The following KRI1 variants were observed in gnomAD, a reference collection of about 807,000 sequenced individuals.
KRI1 encodes the protein KRI1 homolog.
Under a neutral mutation model 97.0 loss-of-function variants are expected in KRI1, and 83 were observed. The observed-to-expected ratio is 0.86, with a 90% CI of 0.72 to 1.03. The LOEUF (loss-of-function observed/expected upper bound fraction) is 1.03. Among genes scored for constraint, KRI1 ranks in the 50% least tolerant of loss-of-function variants. KRI1 has a pLI of 0.00. For synonymous variants in KRI1, 371 were observed against 363.5 expected, an observed-to-expected ratio of 1.02 and a Z score of -0.23; for missense variants, 916 against 928.4, an observed-to-expected ratio of 0.99 and a Z score of 0.17.
Position 10,558,250 on chromosome 19 carries a change from A to G in KRI1, c.1195-11T>C. On this transcript the variant is annotated splice_polypyrimidine_tract_variant and intron_variant, in intron 12 of 18. Coordinates refer to ENST00000312962, the MANE Select transcript of KRI1 (RefSeq NM_023008.5). The stretch of plus-strand genomic sequence containing the variant: ...GTCCCCAAAGCACTTCTGCAGGGTC[A>G]GGGCTGGCGGTTACCAGAGCCCACT... 6.2e-7 allele frequency: 1 copy of G among 1,613,848 alleles called. No homozygotes were observed. Among genetic ancestry groups the G allele is most frequent in the South Asian group, 1.1e-5 (1 of 91,074 alleles).
At chr19:10,554,896 A>G (rs1204996800) in intron 18 of KRI1, among the ~76,000 whole-genome samples, 191 bp downstream of exon 18, 2 of 152,212 alleles carry the variant, frequency 1.3e-5, no homozygotes, top group Admixed American at 1.3e-4. Flanking sequence ...CTTATGAGAA[A>G]GAGGCCCAGA....
Position 10,559,481 on chromosome 19 carries a change from T to C in KRI1, c.1072A>G (p.Arg358Gly), listed in dbSNP as rs1459619270. 2.5e-6 allele frequency: 4 copies of C among 1,614,030 alleles called. No individual in the cohort carries two copies. Among genetic ancestry groups the C allele is most frequent in the Non-Finnish European group, 3.4e-6 (4 of 1,180,014 alleles). ...EELKQLKNLK[R>G]KEILAKLEKL... ...TCCAGCTTGGCCAGAATCTCCTTCC[T>C]CTTCAGGTTCTTCAGCTGCTTGAGC... Residue 358 changes from arginine (R) to glycine (G), a missense_variant, in exon 12 of 19, where the codon AGG (arginine) becomes GGG (glycine). This residue lies in a region of KRI1 where 672 missense variants were observed against 667.2 expected (regional missense o/e 1.01). Coordinates refer to ENST00000312962, the MANE Select transcript of KRI1 (RefSeq NM_023008.5).
chr19:10,561,601 C>A (rs377288022), intron 6 of KRI1, 66 bp downstream of exon 6: 2 of 1,478,054 alleles, frequency 1.4e-6, no homozygotes, highest in African/African-American at 1.4e-5. Flanking sequence ...AATTTGAACC[C>A]GTGCCTATCC....
Position 10,559,430 on chromosome 19 carries a change from C to G in KRI1, c.1123G>C (p.Glu375Gln). ...TCCCCCTCCTCGAGGCCCAGCATCT[C>G]GTTGCCTGTTACTTTCCGCAGCTTC... ...LEKLRKVTGNEMLGLEEGDLE... is the reference protein window; with the variant it reads ...LEKLRKVTGNQMLGLEEGDLE... Residue 375 changes from glutamate to glutamine, a missense_variant, in exon 12 of 19, where the codon GAG becomes CAG. This residue lies in a region of KRI1 where 672 missense variants were observed against 667.2 expected (regional missense o/e 1.01). Coordinates refer to ENST00000312962, the MANE Select transcript of KRI1 (RefSeq NM_023008.5). 1.2e-6 allele frequency: 2 copies of G among 1,614,140 alleles called. No individual in the cohort carries two copies. The highest frequency in any genetic ancestry group is 2.2e-5 in the East Asian group (1 of 44,874).
At chr19:10,558,961 T>C (rs1162769713) in intron 12 of KRI1, among the ~76,000 whole-genome samples, 4 of 151,514 alleles carry the variant, frequency 2.6e-5, no homozygotes, top group Admixed American at 6.6e-5. Flanking sequence ...TGCCTCGGCC[T>C]CCCAAAGTGC....
At chr19:10,559,777 G>T (rs757947813) in intron 10 of KRI1, 33 bp downstream of exon 10, 4 of 1,613,662 alleles carry the variant, frequency 2.5e-6, no homozygotes, top group Non-Finnish European at 3.4e-6. Flanking sequence ...CTGAACCCTG[G>T]GGGCTGAGTC....
chr19:10,558,234 G>A lies in KRI1; in HGVS notation c.1200C>T (p.Cys400=). The A allele has an allele frequency of 6.2e-7, 1 of 1,614,008 alleles. No individual in the cohort carries two copies. Residue 400 remains cysteine, a synonymous_variant, in exon 13 of 19, where the codon TGC becomes TGT. Transcript: ENST00000312962. ...CGGCCCCGTAGTACTCGTCCCCAAA[G>A]CACTTCTGCAGGGTCAGGGCTGGCG... ...PAQHDQLMQK[C]FGDEYYGAVE...
chr19:10,559,848 T>C lies in KRI1; in HGVS notation c.889A>G (p.Lys297Glu), dbSNP rs144795595. 3.1e-6 allele frequency: 5 copies of C among 1,613,686 alleles called. No individual in the cohort carries two copies. Among genetic ancestry groups the C allele is most frequent in the Admixed American group, 3.3e-5 (2 of 59,978 alleles). ...FLKKQEDFEQKYNFRFEEPDS... is the reference protein window; with the variant it reads ...FLKKQEDFEQEYNFRFEEPDS... ...GGCTCCTCGAAACGGAAATTGTACT[T>C]CTGTTCAAAGTCCTCCTGTTTCTTC... Residue 297 changes from lysine to glutamate, a missense_variant, in exon 10 of 19, where the codon AAG (lysine) becomes GAG (glutamate). Physicochemically the swap from Lys to Glu is moderately conservative, Grantham distance 56. Coordinates refer to ENST00000312962, the MANE Select transcript of KRI1 (RefSeq NM_023008.5).
Position 10,553,305 on chromosome 19 carries a change from C to T in KRI1, c.*646G>A, listed in dbSNP as rs1399727978. 3.8e-6 allele frequency: 2 copies of T among 521,538 alleles called. No individual in the cohort carries two copies. Among genetic ancestry groups the T allele is most frequent in the African/African-American group, 1.9e-5 (1 of 52,974 alleles). 32.3% of individuals were successfully genotyped at this position (521,538 alleles called of 1,614,324 possible). ...GGGAAGGAGGACCCCGGGCACCCCC[C>T]TCAGGGCCTGACTCACGTACTGTAG... On this transcript the variant is annotated 3_prime_UTR_variant, in exon 19 of 19. Transcript: ENST00000312962.
rs755337706 is a variant in KRI1 at position 10,553,955 on chromosome 19, G to A, written c.2108C>T (p.Ser703Phe). Residue 703 changes from serine to phenylalanine, a missense_variant, in exon 19 of 19, where the codon TCC (serine) becomes TTC (phenylalanine). By Grantham distance (155) the Ser-to-Phe change is radical. This residue lies in a region of KRI1 where 672 missense variants were observed against 667.2 expected (regional missense o/e 1.01). Coordinates refer to ENST00000312962, the MANE Select transcript of KRI1 (RefSeq NM_023008.5). ...CCCCTGCCTGCTCCCTGGTGCTCAG[G>A]AGCTGTTCTTGGGCCCCTGTTGTTT... ...RRKQQGPKNS[S>F] 11 of 1,598,094 alleles carry A rather than the reference G, an allele frequency of 6.9e-6. No homozygotes were observed. The African/African-American group carries it at 1.1e-4, about 16-fold the overall frequency.
intron 16 of KRI1, among the ~76,000 whole-genome samples, chr19:10,555,806 C>T (rs544843671): frequency 6.6e-6 from 1 of 152,316 alleles, no homozygotes; most frequent in Admixed American, 6.5e-5. Context: ...TAGTACACAT[C>T]GGCTATTTTT....
chr19:10,557,930 C>T (rs759630505), intron 14 of KRI1, 35 bp from the exon 15 acceptor site: 6 of 1,613,732 alleles, frequency 3.7e-6, no homozygotes, highest in Admixed American at 3.3e-5. Context: ...CCACCAGCCC[C>T]CCGTCAGGGC....
chr19:10,560,056 T>C, intron 9 of KRI1, 120 bp from the exon 10 acceptor site: 2 of 1,294,178 alleles, frequency 1.5e-6, no homozygotes, highest in Non-Finnish European at 2.1e-6. Context: ...CCCTACAAGG[T>C]GCACGCTGCT....
In KRI1 at chr19:10,553,251, C is replaced by A. The variant is rs1465337312; in HGVS notation, c.*700G>T. Reference sequence around the variant, plus strand: ...GCCCACAGAGCCCATACACCTGTCTCCCACCAGCGGGGCCCTCCTGGCAGG... The same window carrying A: ...GCCCACAGAGCCCATACACCTGTCTACCACCAGCGGGGCCCTCCTGGCAGG... On this transcript the variant is annotated 3_prime_UTR_variant, in exon 19 of 19. Transcript: ENST00000312962. 2 of 760,460 alleles carry A rather than the reference C, an allele frequency of 2.6e-6. No homozygotes were observed. The highest frequency in any genetic ancestry group is 4.0e-6 in the Non-Finnish European group (2 of 504,930). 47.1% of individuals were successfully genotyped at this position (760,460 alleles called of 1,614,324 possible).
intron 16 of KRI1, among the ~76,000 whole-genome samples, chr19:10,556,987 AAAG>A (rs1259224571): frequency 2.6e-5 from 4 of 152,104 alleles, no homozygotes; most frequent in African/African-American, 7.2e-5. Context: ...GTCTCAAAAA[AAAG>A]AAGTAATATT....
intron 12 of KRI1, 89 bp downstream of exon 12, chr19:10,559,270 G>A (rs1209551415): frequency 1.1e-5 from 16 of 1,434,274 alleles, no homozygotes; most frequent in Non-Finnish European, 1.4e-5. Flanking sequence ...CTCCCAAAGT[G>A]CTGGGATTAC....
At chr19:10,560,047 C>T in intron 9 of KRI1, 111 bp from the exon 10 acceptor site, 1 of 1,360,772 alleles carries the variant, frequency 7.3e-7, no homozygotes, top group Non-Finnish European at 9.9e-7. Context: ...TCACAAGAAC[C>T]CTACAAGGTG....
In KRI1 at chr19:10,565,810, T is replaced by TCCC; in HGVS notation, c.95-21_95-20insGGG. 1 of 1,476,872 alleles carries TCCC rather than the reference T, an allele frequency of 6.8e-7. No homozygotes were observed. Among genetic ancestry groups the TCCC allele is most frequent in the Non-Finnish European group, 9.0e-7 (1 of 1,111,248 alleles). 91.5% of individuals were successfully genotyped at this position (1,476,872 alleles called of 1,614,324 possible). On this transcript the variant is annotated intron_variant, in intron 1 of 18. Coordinates refer to ENST00000312962, the MANE Select transcript of KRI1 (RefSeq NM_023008.5). The stretch of plus-strand genomic sequence containing the variant: ...CCTTCACTGCGGGACACAGACGGGA[T>TCCC]GCCCCCCCCCAGGTCAGCCGGCGGG...
In KRI1 at chr19:10,554,381, G is replaced by A; in HGVS notation, c.1782-100C>T. 4 of 1,063,256 alleles carry A rather than the reference G, an allele frequency of 3.8e-6. No homozygotes were observed. In the South Asian group the frequency reaches 4.2e-5, roughly 11 times the overall value. The allele number at this position is 1,063,256 out of a possible 1,614,324, so 65.9% of individuals were successfully genotyped here. A position where few individuals can be genotyped will look rare whatever the true frequency, so the allele number is the denominator to read the frequency against. ...TACAGACAGGGAAAGGAGGGGCATA[G>A]TGAAGCAGCCGCACAGCGACCGAGG... On this transcript the variant is annotated intron_variant, in intron 18 of 18. Transcript: ENST00000312962.
Sources: gnomAD v4.1 joint callset for allele counts (sites outside exome capture counted in the v4.1 genomes callset) on GRCh38, gnomAD v4.1.1 for gene constraint, gnomAD v4.1.1 regional missense constraint, MANE v1.5 for transcripts, NCBI Gene and HGNC (gene_info 2026-07-23, HGNC 2026-07-21) for gene names.